The following ANKRD28 variants were observed in gnomAD, a reference collection of about 807,000 sequenced individuals.
ANKRD28 encodes ankyrin repeat domain 28, also known as serine/threonine-protein phosphatase 6 regulatory ankyrin repeat subunit A.
In ANKRD28, 44 loss-of-function variants were observed where a neutral mutation model predicts 126.5. That is an observed-to-expected ratio of 0.35 (90% CI 0.27 to 0.45). The LOEUF (loss-of-function observed/expected upper bound fraction) is 0.45. Ranked by LOEUF, ANKRD28 falls within the 20% of genes least tolerant of loss-of-function variation. ANKRD28 has a pLI of 1.00. For synonymous variants in ANKRD28, 442 were observed against 468.5 expected (o/e 0.94, Z 0.73); for missense variants, 1,110 against 1,316.6 (o/e 0.84, Z 2.43).
At chr3:15,832,994 A>G (rs1335501745) in intron 1 of ANKRD28, among the ~76,000 whole-genome samples, 1 of 152,186 alleles carries the variant, frequency 6.6e-6, no homozygotes, top group East Asian at 1.9e-4. Flanking sequence ...GTTCTTTGAG[A>G]AATCTCCATA....
rs2061725625 is a variant in ANKRD28 at position 15,854,717 on chromosome 3, A to G, written c.27+4660T>C. On this transcript the variant is annotated intron_variant, in intron 1 of 27. Transcript: ENST00000399451. The surrounding 1 kb of genome is among the most constrained non-coding windows in gnomAD (Gnocchi z 4.1). ...TAAGATCTGTAAGGGTAGAGATGGT[A>G]GCTACTTCACCCTTGTGTCCCCTGT... Among the ~76,000 whole-genome samples the G allele has an allele frequency of 6.6e-6, 1 of 151,804 alleles. No homozygotes were observed. Among genetic ancestry groups the G allele is most frequent in the African/African-American group, 2.4e-5 (1 of 41,330 alleles).
chr3:15,810,040 G>A (rs73040283), intron 1 of ANKRD28, among the ~76,000 whole-genome samples: 320 of 152,234 alleles, frequency 2.1e-3, no homozygotes, highest in Admixed American at 5.6e-3. Flanking sequence ...GCGAGATCAT[G>A]AAGGGTGTTG....
chr3:15,799,925 A>G (rs1217891506), upstream of ANKRD28, among the ~76,000 whole-genome samples: 3 of 152,128 alleles, frequency 2.0e-5, no homozygotes, highest in Non-Finnish European at 4.4e-5. Flanking sequence ...GAGATTTATA[A>G]ACAAGAATAG....
chr3:15,742,006 C>T (rs1159544652), intron 4 of ANKRD28, among the ~76,000 whole-genome samples: 4 of 152,220 alleles, frequency 2.6e-5, no homozygotes, highest in African/African-American at 7.2e-5. Flanking sequence ...CCCGAGGTGC[C>T]GGGATTGCAG....
chr3:15,836,068 T>TG (rs2125951053), intron 1 of ANKRD28, among the ~76,000 whole-genome samples: 1 of 152,112 alleles, frequency 6.6e-6, no homozygotes, highest in Non-Finnish European at 1.5e-5. Context: ...TGAATTATAT[T>TG]GAAAAAAAGA....
rs1452021141 is a variant in ANKRD28 at position 15,720,140 on chromosome 3, A to G, written c.996+775T>C. On this transcript the variant is annotated intron_variant, in intron 8 of 27. Coordinates refer to ENST00000683139, the MANE Select transcript of ANKRD28 (RefSeq NM_001349278.2). ...TGGCCTCCCAAAGTGGTGGGATTAC[A>G]GGTAGGAGCCACTATGCCAGCCCAG... Among the ~76,000 whole-genome samples, 5 of 152,178 alleles carry G rather than the reference A, an allele frequency of 3.3e-5. No individual in the cohort carries two copies. In the South Asian group the frequency reaches 1.0e-3, roughly 32 times the overall value.
chr3:15,819,600 AAG>A (rs907839023), intron 1 of ANKRD28, among the ~76,000 whole-genome samples: 7 of 152,184 alleles, frequency 4.6e-5, no homozygotes, highest in African/African-American at 1.7e-4. Context: ...ATAGAGATGG[AAG>A]AGACAATTTT....
chr3:15,812,021 T>A lies in ANKRD28; in HGVS notation c.28-16715A>T, dbSNP rs1408773726. On this transcript the variant is annotated intron_variant, in intron 1 of 27. Transcript: ENST00000399451. This position sits in a 1 kb window ranked among gnomAD's most constrained non-coding sequence, Gnocchi z 4.1. Reference sequence around the variant, plus strand: ...TAGAAAAATTAGCCAGGCGTGGTGGTACGCACCTGTAGTCCCAGCTACTCA... The same window carrying A: ...TAGAAAAATTAGCCAGGCGTGGTGGAACGCACCTGTAGTCCCAGCTACTCA... Among the ~76,000 whole-genome samples the A allele has an allele frequency of 6.6e-6, 1 of 151,806 alleles. No homozygotes were observed. Among genetic ancestry groups the A allele is most frequent in the Admixed American group, 6.6e-5 (1 of 15,242 alleles).
At chr3:15,729,599 T>A (rs145114807) in intron 6 of ANKRD28, among the ~76,000 whole-genome samples, 1 of 152,166 alleles carries the variant, frequency 6.6e-6, no homozygotes, top group Non-Finnish European at 1.5e-5. Flanking sequence ...ATTAGTTACA[T>A]TGAAGAAATT....
intron 18 of ANKRD28, among the ~76,000 whole-genome samples, chr3:15,688,245 T>A (rs1407620041): frequency 6.6e-6 from 1 of 152,252 alleles, no homozygotes; most frequent in Non-Finnish European, 1.5e-5. Flanking sequence ...TTAATATTTT[T>A]AAAATGTACT....
At chr3:15,821,059 G>C (rs1219567617) in intron 1 of ANKRD28, among the ~76,000 whole-genome samples, 4 of 152,094 alleles carry the variant, frequency 2.6e-5, no homozygotes, top group African/African-American at 9.7e-5. Context: ...ATCCATTGCC[G>C]GATGTTTAGT....
chr3:15,767,563 A>G (rs1345954722), intron 2 of ANKRD28, among the ~76,000 whole-genome samples: 1 of 151,932 alleles, frequency 6.6e-6, no homozygotes, highest in Non-Finnish European at 1.5e-5. Flanking sequence ...TCTTCAACTT[A>G]AAAGACAACT....
Position 15,724,486 on chromosome 3 carries a change from C to T in ANKRD28, c.679G>A (p.Ala227Thr), listed in dbSNP as rs1250013523. ...TTTTTATCCTTGCATGTCACTTCAG[C>T]TCCATGCGACACAAGCAATTTCACT... ...EVVKLLVSHG[A>T]EVTCKDKKSY... is the part of the protein sequence containing the mutation. The change falls in exon 7 of 28, where the codon GCT (alanine) becomes ACT (threonine). Residue 227 changes from alanine to threonine, a missense_variant. Coordinates refer to ENST00000683139, the MANE Select transcript of ANKRD28 (RefSeq NM_001349278.2). The T allele has an allele frequency of 3.1e-6, 5 of 1,590,722 alleles. No homozygotes were observed. The South Asian group carries it at 3.4e-5, about 11-fold the overall frequency.
intron 26 of ANKRD28, 141 bp downstream of exon 26, chr3:15,676,833 A>T: frequency 3.5e-6 from 2 of 569,484 alleles, no homozygotes; most frequent in Non-Finnish European, 5.9e-6. Flanking sequence ...TTTAGAAATG[A>T]GTTTTGACAG....
At chr3:15,717,131 CTTTATTTA>C (rs759485583) in intron 8 of ANKRD28, among the ~76,000 whole-genome samples, 1 of 151,918 alleles carries the variant, frequency 6.6e-6, no homozygotes, top group African/African-American at 2.4e-5. Context: ...GTGATGAGTC[CTTTATTTA>C]TTTATTTATT....
rs1030349042 is a variant in ANKRD28, at chr3:15,845,658, C to T, written c.27+13719G>A. ...AAAAGCCAGCTGTTGTTAACCTTCA[C>T]GTATTAGTCCACTCTCACACTGCTA... is the stretch of plus-strand genomic sequence containing the variant. On this transcript the variant is annotated intron_variant, in intron 1 of 27. Coordinates refer to the ANKRD28 transcript ENST00000399451. The surrounding 1 kb of genome is among the most constrained non-coding windows in gnomAD (Gnocchi z 4.9). Among the ~76,000 whole-genome samples the T allele has an allele frequency of 8.5e-5, 13 of 152,162 alleles. No homozygotes were observed. The highest frequency in any genetic ancestry group is 6.5e-4 in the Admixed American group (10 of 15,272).
At chr3:15,809,980 T>A (rs2060676675) in intron 1 of ANKRD28, among the ~76,000 whole-genome samples, 1 of 152,038 alleles carries the variant, frequency 6.6e-6, no homozygotes, top group South Asian at 2.1e-4. Flanking sequence ...CACCTCCTCA[T>A]CCACAAAATG....
intron 6 of ANKRD28, chr3:15,733,548 T>G (rs937853221): frequency 6.6e-6 from 1 of 152,248 alleles, no homozygotes; most frequent in Non-Finnish European, 1.5e-5. Flanking sequence ...TTAATCATGC[T>G]TTATGTGACT....
chr3:15,737,061 T>A lies in ANKRD28; in HGVS notation c.524A>T (p.His175Leu). 2 of 1,614,006 alleles carry A rather than the reference T, an allele frequency of 1.2e-6. No homozygotes were observed. The highest frequency in any genetic ancestry group is 1.7e-6 in the Non-Finnish European group (2 of 1,179,884). The change falls in exon 5 of 28, where the codon CAT becomes CTT. Residue 175 changes from histidine to leucine, a missense_variant. Transcript: ENST00000683139. The stretch of plus-strand genomic sequence containing the variant: ...ACCATGTCCACTGAAAGCTGCATGA[T>A]GTAATGCAGTCCTCCCTGCTCGATC... ...VSDRAGRTAL[H>L]HAAFSGHGEM...
Sources: gnomAD v4.1 joint callset for allele counts (sites outside exome capture counted in the v4.1 genomes callset) on GRCh38, gnomAD v4.1.1 for gene constraint, Gnocchi (gnomAD v3.1) non-coding constraint, MANE v1.5 for transcripts, NCBI Gene and HGNC (gene_info 2026-07-23, HGNC 2026-07-21) for gene names.